GAN: variants seen among roughly 807,000 people sequenced by gnomAD.
The protein encoded by GAN is epididymis secretory sperm binding protein.
Under a neutral mutation model 71.3 loss-of-function variants are expected in GAN, and 48 were observed. That is an observed-to-expected ratio of 0.67 (90% CI 0.53 to 0.86). GAN has a LOEUF of 0.86. GAN is among the 40% of genes least tolerant of loss of function. The pLI, the probability that GAN is intolerant of heterozygous loss-of-function variation, is 0.00. For missense variants in GAN, 928 were observed against 770.1 expected (o/e 1.21, Z -2.43); for synonymous variants, 386 against 276.8 (o/e 1.39, Z -3.92).
In GAN at chr16:81,383,378, C is replaced by T. The variant is rs1475779980; in HGVS notation, c.*5782C>T. ...AGCAATCATCCTGCCTCAGCCTCCC[C>T]AGTACCTGGGATTACAGGTGCTTAT... On this transcript the variant is annotated 3_prime_UTR_variant, in exon 11 of 11. Coordinates refer to ENST00000648994, the MANE Select transcript of GAN (RefSeq NM_022041.4). 1 of 150,944 alleles carries T rather than the reference C, an allele frequency of 6.6e-6. No homozygotes were observed. Among genetic ancestry groups the T allele is most frequent in the Non-Finnish European group, 1.5e-5 (1 of 67,720 alleles). 9.4% of individuals were successfully genotyped at this position (150,944 alleles called of 1,614,324 possible).
At chr16:81,374,481 A>T (rs1359406884) in intron 9 of GAN, among the ~76,000 whole-genome samples, 2 of 152,158 alleles carry the variant, frequency 1.3e-5, no homozygotes, top group Non-Finnish European at 2.9e-5. Flanking sequence ...TGTTCCCGTC[A>T]TTCCTTCTGC....
rs377539440 is a variant in GAN, at chr16:81,362,589, C to G, written c.1064C>G (p.Thr355Arg). 1.3e-6 allele frequency: 2 copies of G among 1,567,596 alleles called. No homozygotes were observed. Among genetic ancestry groups the G allele is most frequent in the African/African-American group, 2.7e-5 (2 of 74,068 alleles). Residue 355 changes from threonine (T) to arginine (R), a missense_variant, in exon 6 of 11, where the codon ACA becomes AGA. Coordinates refer to ENST00000648994, the MANE Select transcript of GAN (RefSeq NM_022041.4). ...EKYDPDANTW[T>R]ALPPMNEARH... ...TATGATCCAGATGCAAATACATGGA[C>G]AGCATTGCCACCTATGAACGAGGTA...
At chr16:81,328,016 C>G (rs1233950772) in intron 1 of GAN, among the ~76,000 whole-genome samples, 1 of 152,232 alleles carries the variant, frequency 6.6e-6, no homozygotes, top group Non-Finnish European at 1.5e-5. Context: ...AGCAGAATTT[C>G]TTGGCTTCAC....
At position 81,314,975 on chromosome 16, in the gene GAN, A is replaced by C. The variant is rs1404347457; in HGVS notation, c.-139A>C. The C allele has an allele frequency of 1.5e-6, 1 of 670,964 alleles. No homozygotes were observed. Among genetic ancestry groups the C allele is most frequent in the Non-Finnish European group, 2.2e-6 (1 of 455,502 alleles). 41.6% of individuals were successfully genotyped at this position (670,964 alleles called of 1,614,324 possible). On this transcript the variant is annotated 5_prime_UTR_variant, in exon 1 of 11. Transcript: ENST00000648994. ...CCAGCGCGCCGCGGATAGCACAGGC[A>C]CGTCCCGGGGGCTCCAGCTTCTGCT...
In GAN at chr16:81,316,984, G is replaced by A. The variant is rs549086547; in HGVS notation, c.167+1704G>A. ...AGCGATTCTCCTGCCTCAGCCTCCC[G>A]AGTAGCTGGGATTACAAACGCCCGC... On this transcript the variant is annotated intron_variant, in intron 1 of 10. Coordinates refer to ENST00000648994, the MANE Select transcript of GAN (RefSeq NM_022041.4). Among the ~76,000 whole-genome samples the A allele has an allele frequency of 9.2e-5, 14 of 152,168 alleles. No homozygotes were observed. In the South Asian group the frequency reaches 1.0e-3, roughly 11 times the overall value.
At position 81,384,260 on chromosome 16, in the gene GAN, G is replaced by T. The variant is rs996126601; in HGVS notation, c.*6664G>T. The T allele has an allele frequency of 6.7e-6, 1 of 148,844 alleles. No homozygotes were observed. The highest frequency in any genetic ancestry group is 1.5e-5 in the Non-Finnish European group (1 of 67,536). The allele number at this position is 148,844 out of a possible 1,614,324, so 9.2% of individuals were successfully genotyped here. ...GGAAGCAGGCAGTCAGAGGCCTTGA[G>T]GAATACAATTCTCTAAGGCCTGTTT... On this transcript the variant is annotated 3_prime_UTR_variant, in exon 11 of 11. Transcript: ENST00000648994.
At chr16:81,337,640 C>G (rs981213465) in intron 1 of GAN, among the ~76,000 whole-genome samples, 1 of 152,228 alleles carries the variant, frequency 6.6e-6, no homozygotes, top group African/African-American at 2.4e-5. Flanking sequence ...TAATTACTTA[C>G]AAGTTGTAGA....
rs119485094 is a variant in GAN, at chr16:81,365,405, C to T, written c.1429C>T (p.Arg477Ter). Residue 477 changes from arginine to a stop codon, truncating the protein, a stop_gained, in exon 9 of 11, where the codon CGA (arginine) becomes TGA (stop). Transcript: ENST00000648994. LOFTEE classifies it high-confidence loss of function. The part of the protein sequence containing the change: ...AMELYVFGGV[R>*]SREDAQGSEM... ...GGAGCTGTATGTGTTTGGGGGAGTCCGAAGTCGTGAGGACGCCCAGGGTAG... is the reference window on the plus strand; with the variant it reads ...GGAGCTGTATGTGTTTGGGGGAGTCTGAAGTCGTGAGGACGCCCAGGGTAG... 6 of 1,613,348 alleles carry T rather than the reference C, an allele frequency of 3.7e-6. No individual in the cohort carries two copies. The highest frequency in any genetic ancestry group is 5.1e-6 in the Non-Finnish European group (6 of 1,179,872).
rs556005031 is a variant in GAN, at chr16:81,380,016, A to G, written c.*2420A>G. On this transcript the variant is annotated 3_prime_UTR_variant, in exon 11 of 11. Transcript: ENST00000648994. ...CACATAATATGGGATGCAATAACCA[A>G]CAAAGCTGCTAAGTGCCAAACTGTT... is the stretch of plus-strand genomic sequence containing the variant. 2.0e-5 allele frequency: 3 copies of G among 152,694 alleles called. No homozygotes were observed. Among genetic ancestry groups the G allele is most frequent in the African/African-American group, 7.2e-5 (3 of 41,562 alleles). The allele number at this position is 152,694 out of a possible 1,614,324, so 9.5% of individuals were successfully genotyped here.
chr16:81,365,226 C>T, intron 8 of GAN, 116 bp downstream of exon 8: 5 of 1,562,136 alleles, frequency 3.2e-6, no homozygotes, highest in Non-Finnish European at 4.4e-6. Context: ...TTTGACTTGG[C>T]ATTTCCTGAG....
intron 1 of GAN, among the ~76,000 whole-genome samples, chr16:81,327,848 G>A (rs1909439871): frequency 6.6e-6 from 1 of 152,200 alleles, no homozygotes; most frequent in African/African-American, 2.4e-5. Context: ...GGGTCTTAAG[G>A]TTATATAGAA....
At chr16:81,370,448 G>C (rs1911002939) in intron 9 of GAN, among the ~76,000 whole-genome samples, 1 of 152,256 alleles carries the variant, frequency 6.6e-6, no homozygotes. Flanking sequence ...GCTGCTAAAA[G>C]TGGGAAAAGA....
chr16:81,319,690 T>C (rs368397850), intron 1 of GAN, among the ~76,000 whole-genome samples: 200 of 152,236 alleles, frequency 1.3e-3, no homozygotes, highest in African/African-American at 4.6e-3. Context: ...CAGCTAAGAA[T>C]GTAAGTGGCT....
chr16:81,366,095 C>T (rs756032446), intron 9 of GAN, among the ~76,000 whole-genome samples: 18 of 152,170 alleles, frequency 1.2e-4, no homozygotes, highest in Admixed American at 7.2e-4. Flanking sequence ...TTCAAAACTG[C>T]TTAGTTATCA....
At chr16:81,321,204 TCAA>T (rs1909212241) in intron 1 of GAN, among the ~76,000 whole-genome samples, 1 of 152,224 alleles carries the variant, frequency 6.6e-6, no homozygotes, top group South Asian at 2.1e-4. Flanking sequence ...ATGAAACAAA[TCAA>T]CAAAATTCTT....
Position 81,354,704 on chromosome 16 carries a change from T to A in GAN, c.582T>A (p.Tyr194Ter). 1 of 1,612,872 alleles carries A rather than the reference T, an allele frequency of 6.2e-7. No homozygotes were observed. The highest frequency in any genetic ancestry group is 8.5e-7 in the Non-Finnish European group (1 of 1,178,812). ...AGTTAAACGTTGGCAATGAAAGATA[T>A]GTCTTTGAAGCAGTAATTCGATGGA... The part of the protein sequence containing the change: ...LEKLNVGNER[Y>*]VFEAVIRWIA... The change falls in exon 3 of 11, where the codon TAT becomes TAA. Residue 194 changes from tyrosine to a stop codon, truncating the protein, a stop_gained. Transcript: ENST00000648994. LOFTEE classifies it high-confidence loss of function.
At chr16:81,357,769 A>G (rs777057192) in intron 4 of GAN, 41 bp from the exon 5 acceptor site, 45 of 1,587,808 alleles carry the variant, frequency 2.8e-5, no homozygotes, top group Non-Finnish European at 3.6e-5. Flanking sequence ...AAAGAACTGT[A>G]TGAAGCACAT....
chr16:81,375,829 G>C (rs538103762), intron 9 of GAN, among the ~76,000 whole-genome samples: 1 of 152,070 alleles, frequency 6.6e-6, no homozygotes, highest in Admixed American at 6.5e-5. Flanking sequence ...CATTAGCTGG[G>C]TGTGGTGGTG....
Position 81,388,156 on chromosome 16 carries a change from C to CTCT in GAN, c.*10565_*10567dup, listed in dbSNP as rs1376459833. 6.6e-6 allele frequency: 1 copy of CTCT among 152,126 alleles called. No homozygotes were observed. The highest frequency in any genetic ancestry group is 1.5e-5 in the Non-Finnish European group (1 of 68,058). 9.4% of individuals were successfully genotyped at this position (152,126 alleles called of 1,614,324 possible). A position where few individuals can be genotyped will look rare whatever the true frequency, so the allele number is the denominator to read the frequency against. ...TGTTCGGAGTCGTTGTTTTTACTCACTCTTCTTGGGATAGCTTTCCCACCC... is the reference window on the plus strand; with the variant it reads ...TGTTCGGAGTCGTTGTTTTTACTCACTCTTCTTCTTGGGATAGCTTTCCCACCC... On this transcript the variant is annotated 3_prime_UTR_variant, in exon 11 of 11. Coordinates refer to ENST00000648994, the MANE Select transcript of GAN (RefSeq NM_022041.4).
Sources: gnomAD v4.1 joint callset for allele counts (sites outside exome capture counted in the v4.1 genomes callset) on GRCh38, gnomAD v4.1.1 for gene constraint, MANE v1.5 for transcripts, NCBI Gene and HGNC (gene_info 2026-07-23, HGNC 2026-07-21) for gene names.